Variants in PCGF5 observed in about 807,000 individuals in gnomAD.
PCGF5 encodes the protein polycomb group RING finger protein 5.
A neutral mutation model predicts 44.3 loss-of-function variants in PCGF5; 9 were observed. The ratio of observed to expected loss-of-function variants is 0.20; its 90% CI spans 0.12 to 0.35. The LOEUF is 0.35. Among genes scored for constraint, PCGF5 ranks in the 10% least tolerant of loss-of-function variants. PCGF5 has a pLI of 1.00. For missense variants in PCGF5, 146 were observed against 305.3 expected, an observed-to-expected ratio of 0.48 and a Z score of 3.89; for synonymous variants, 95 against 102.5, an observed-to-expected ratio of 0.93 and a Z score of 0.44.
intron 1 of PCGF5, among the ~76,000 whole-genome samples, chr10:91,204,157 G>A (rs1158096110): frequency 6.6e-6 from 1 of 152,102 alleles, no homozygotes; most frequent in Non-Finnish European, 1.5e-5. Flanking sequence ...TGAATATAAT[G>A]TTTAATTTGC....
intron 9 of PCGF5, 121 bp downstream of exon 9, chr10:91,271,818 CTT>C: frequency 1.3e-6 from 1 of 756,968 alleles, no homozygotes; most frequent in Admixed American, 2.3e-5. Context: ...GCTACAAAAA[CTT>C]ATCTTTTCAA....
chr10:91,262,190 G>A (rs4278434), intron 7 of PCGF5, among the ~76,000 whole-genome samples: 3 of 151,982 alleles, frequency 2.0e-5, no homozygotes, highest in African/African-American at 4.8e-5. Context: ...TTGGGGAGGC[G>A]GAGGCTAGTG....
intron 1 of PCGF5, among the ~76,000 whole-genome samples, chr10:91,169,074 A>G (rs11186479): frequency 1.6e-4 from 25 of 152,218 alleles, no homozygotes; most frequent in African/African-American, 5.5e-4. Context: ...CTCCTCAAGC[A>G]GGAGAGATAG....
intron 1 of PCGF5, among the ~76,000 whole-genome samples, chr10:91,165,278 G>T (rs1221675140): frequency 1.3e-5 from 2 of 152,190 alleles, no homozygotes; most frequent in African/African-American, 4.8e-5. Flanking sequence ...GAGAAAGTAT[G>T]TTACTATGTA....
chr10:91,211,107 C>T (rs1589370329), intron 1 of PCGF5, among the ~76,000 whole-genome samples: 1 of 152,262 alleles, frequency 6.6e-6, no homozygotes, highest in East Asian at 1.9e-4. Flanking sequence ...ATCTTATCAG[C>T]TTTTTGCAAG....
the PCGF5 span, among the ~76,000 whole-genome samples, chr10:91,156,945 T>C: frequency 2.0e-5 from 3 of 152,214 alleles, no homozygotes; most frequent in African/African-American, 7.2e-5. Flanking sequence ...TGTAACAGAA[T>C]GGTGTACAGG....
chr10:91,180,061 C>T (rs551615105), intron 1 of PCGF5, among the ~76,000 whole-genome samples: 1 of 152,074 alleles, frequency 6.6e-6, no homozygotes, highest in African/African-American at 2.4e-5. Context: ...GAGATGGTAT[C>T]TCATTGTGGT....
At chr10:91,244,847 GA>G (rs1248682970) in intron 3 of PCGF5, among the ~76,000 whole-genome samples, 1 of 152,162 alleles carries the variant, frequency 6.6e-6, no homozygotes, top group Middle Eastern at 3.2e-3. Context: ...GAGTTGGGAA[GA>G]TTAATAATAG....
chr10:91,244,194 C>A (rs962689958), intron 3 of PCGF5, among the ~76,000 whole-genome samples: 14 of 151,926 alleles, frequency 9.2e-5, no homozygotes, highest in Admixed American at 9.2e-4. Flanking sequence ...GAAGTGGGGG[C>A]AGATTGCAAT....
At chr10:91,213,479 T>C (rs1844489048) in intron 1 of PCGF5, among the ~76,000 whole-genome samples, 1 of 152,022 alleles carries the variant, frequency 6.6e-6, no homozygotes, top group African/African-American at 2.4e-5. Context: ...AAAATTTTTT[T>C]TTAAGATGAA....
intron 6 of PCGF5, among the ~76,000 whole-genome samples, chr10:91,257,769 C>G (rs1016377957): frequency 6.6e-6 from 1 of 152,008 alleles, no homozygotes; most frequent in Non-Finnish European, 1.5e-5. Flanking sequence ...GACTGGGTAA[C>G]TGAAATCAAG....
At chr10:91,255,648 C>T (rs1845729992) in intron 6 of PCGF5, among the ~76,000 whole-genome samples, 1 of 152,024 alleles carries the variant, frequency 6.6e-6, no homozygotes, top group Non-Finnish European at 1.5e-5. Context: ...AGAATACAGA[C>T]TTTATGGAAT....
intron 3 of PCGF5, among the ~76,000 whole-genome samples, chr10:91,247,173 A>G (rs916060759): frequency 1.2e-4 from 18 of 152,078 alleles, no homozygotes; most frequent in African/African-American, 4.3e-4. Flanking sequence ...TAAAGAAAGA[A>G]CAGACTTGAA....
At chr10:91,251,518 T>A (rs2133380938) in intron 6 of PCGF5, 78 bp downstream of exon 6, 1 of 1,338,524 alleles carries the variant, frequency 7.5e-7, no homozygotes, top group Non-Finnish European at 1.0e-6. Flanking sequence ...AATTTTCTAA[T>A]GCTTCAAAAT....
chr10:91,275,700 G>T (rs933394714), intron 9 of PCGF5, among the ~76,000 whole-genome samples: 2 of 149,592 alleles, frequency 1.3e-5, no homozygotes, highest in Non-Finnish European at 3.0e-5. Flanking sequence ...TGATCTGCCC[G>T]CCTCGGGCTC....
At chr10:91,257,289 T>A (rs1438657953) in intron 6 of PCGF5, among the ~76,000 whole-genome samples, 1 of 151,932 alleles carries the variant, frequency 6.6e-6, no homozygotes, top group Non-Finnish European at 1.5e-5. Flanking sequence ...TGGCCAGAAA[T>A]TTTTTTTAAG....
intron 2 of PCGF5, chr10:91,227,668 T>G: frequency 9.3e-7 from 1 of 1,073,170 alleles, no homozygotes; most frequent in East Asian, 8.1e-5. Flanking sequence ...ATTATCACTC[T>G]TAACCCACCC....
At chr10:91,174,692 GTATCT>G (rs142919858) in intron 1 of PCGF5, among the ~76,000 whole-genome samples, 14 of 152,292 alleles carry the variant, frequency 9.2e-5, no homozygotes, top group South Asian at 2.1e-4. Context: ...AATTGGGAAA[GTATCT>G]TATCTAATCA....
intron 9 of PCGF5, among the ~76,000 whole-genome samples, chr10:91,277,700 ACAAT>A (rs1293194810): frequency 1.3e-5 from 2 of 152,260 alleles, no homozygotes; most frequent in Admixed American, 1.3e-4. Context: ...GTTTCATGTA[ACAAT>A]CAGCTACTTT....
Sources: gnomAD v4.1 joint callset for allele counts (sites outside exome capture counted in the v4.1 genomes callset) on GRCh38, gnomAD v4.1.1 for gene constraint, MANE v1.5 for transcripts, NCBI Gene and HGNC (gene_info 2026-07-23, HGNC 2026-07-21) for gene names.